Variants in LYPD6B observed in about 807,000 individuals in gnomAD.
LYPD6B encodes LY6/PLAUR domain containing 6B.
Under a neutral mutation model 22.8 loss-of-function variants are expected in LYPD6B, and 17 were observed. That is an observed-to-expected ratio of 0.75 (90% CI 0.51 to 1.12). The LOEUF is 1.12. LYPD6B is among the 50% of genes most tolerant of loss of function. The probability of loss-of-function intolerance (pLI) is 0.00; values close to 1 mark genes in which losing one functional copy is unlikely to be tolerated. For synonymous variants in LYPD6B, 106 were observed against 91.6 expected, an observed-to-expected ratio of 1.16 and a Z score of -0.90; for missense variants, 221 against 258.3, an observed-to-expected ratio of 0.86 and a Z score of 0.99.
chr2:149,056,541 C>T (rs2105305250), intron 1 of LYPD6B, among the ~76,000 whole-genome samples: 1 of 152,102 alleles, frequency 6.6e-6, no homozygotes, highest in South Asian at 2.1e-4. Context: ...TCCAGTAAGT[C>T]CACATTTTCC....
Position 149,083,177 on chromosome 2 carries a change from G to A in LYPD6B, c.-67+44376G>A, listed in dbSNP as rs552163866. Reference sequence around the variant, plus strand: ...AAAGCGCTTCATGCATACCATGGCCGTGTGCTGCAGCAGCATACAGTTAGC... The same window carrying A: ...AAAGCGCTTCATGCATACCATGGCCATGTGCTGCAGCAGCATACAGTTAGC... On this transcript the variant is annotated intron_variant, in intron 1 of 6. Coordinates refer to ENST00000409642, the MANE Select transcript of LYPD6B (RefSeq NM_177964.5). 6.6e-5 allele frequency among the ~76,000 whole-genome samples: 10 copies of A among 152,338 alleles called. No individual in the cohort carries two copies. The South Asian group carries it at 1.9e-3, about 28-fold the overall frequency.
intron 1 of LYPD6B, among the ~76,000 whole-genome samples, chr2:149,040,203 GTC>G (rs34538721): frequency 6.9e-6 from 1 of 143,952 alleles, no homozygotes; most frequent in African/African-American, 2.5e-5. Context: ...GTCTCTCTCT[GTC>G]TCTCTCTCTC....
intron 1 of LYPD6B, among the ~76,000 whole-genome samples, chr2:149,050,078 G>T (rs966437964): frequency 6.6e-6 from 1 of 152,140 alleles, no homozygotes; most frequent in African/African-American, 2.4e-5. Flanking sequence ...AGAGTCTTCA[G>T]GGGCTGTGAC....
chr2:149,177,754 CA>C (rs1691416549), intron 3 of LYPD6B, among the ~76,000 whole-genome samples: 1 of 151,632 alleles, frequency 6.6e-6, no homozygotes, highest in South Asian at 2.1e-4. Flanking sequence ...GATGGTGGTT[CA>C]CGAAATCTGC....
intron 3 of LYPD6B, among the ~76,000 whole-genome samples, chr2:149,168,211 CAAAAAAAAAA>C (rs386391472): frequency 8.2e-5 from 4 of 48,488 alleles, no homozygotes; most frequent in South Asian, 8.2e-4. Context: ...GGCTCTGTCT[CAAAAAAAAAA>C]AAAAAAAAAA....
intron 2 of LYPD6B, among the ~76,000 whole-genome samples, chr2:149,141,283 T>G (rs1327598192): frequency 6.6e-6 from 1 of 152,126 alleles, no homozygotes; most frequent in Middle Eastern, 3.2e-3. Flanking sequence ...GCGTGCAAAG[T>G]CCTGAGGCAG....
intron 1 of LYPD6B, among the ~76,000 whole-genome samples, chr2:149,114,713 G>A (rs558384882): frequency 3.9e-5 from 6 of 152,164 alleles, no homozygotes; most frequent in Non-Finnish European, 8.8e-5. Flanking sequence ...ACGTCAACCA[G>A]TCATTGCCAA....
At chr2:149,105,586 A>C (rs908128039) in intron 1 of LYPD6B, among the ~76,000 whole-genome samples, 1 of 152,088 alleles carries the variant, frequency 6.6e-6, no homozygotes, top group East Asian at 1.9e-4. Flanking sequence ...AATGGCTGAA[A>C]ATTTTTTTAA....
chr2:149,039,034 C>G (rs1023723368), intron 1 of LYPD6B, among the ~76,000 whole-genome samples: 2 of 151,704 alleles, frequency 1.3e-5, no homozygotes, highest in East Asian at 3.9e-4. Flanking sequence ...CTGCCAACAT[C>G]TGGACGGGAC....
intron 1 of LYPD6B, among the ~76,000 whole-genome samples, chr2:149,073,442 A>G (rs1684737393): frequency 6.6e-6 from 1 of 151,978 alleles, no homozygotes; most frequent in African/African-American, 2.4e-5. Context: ...TCCTGCTGTT[A>G]CTGATATGCC....
At chr2:149,159,070 G>A (rs1047371992) in intron 2 of LYPD6B, among the ~76,000 whole-genome samples, 16 of 151,466 alleles carry the variant, frequency 1.1e-4, no homozygotes, top group African/African-American at 3.9e-4. Flanking sequence ...TTTTTTCCTT[G>A]CCAGATCACT....
At chr2:149,041,028 CA>C (rs1683057331) in intron 1 of LYPD6B, among the ~76,000 whole-genome samples, 1 of 145,874 alleles carries the variant, frequency 6.9e-6, no homozygotes, top group South Asian at 2.1e-4. Flanking sequence ...GAAGACTCCC[CA>C]AAGAAACTGT....
chr2:149,062,447 A>G (rs1684133188), intron 1 of LYPD6B, among the ~76,000 whole-genome samples: 1 of 152,220 alleles, frequency 6.6e-6, no homozygotes, highest in African/African-American at 2.4e-5. Flanking sequence ...GATTAAAAGC[A>G]GAGATTACAA....
At chr2:149,209,980 T>C (rs185552207) in intron 5 of LYPD6B, among the ~76,000 whole-genome samples, 1 of 152,364 alleles carries the variant, frequency 6.6e-6, no homozygotes, top group East Asian at 1.9e-4. Flanking sequence ...TCTTTACTAA[T>C]TTATTTCAGA....
At chr2:149,047,802 G>GT (rs970148980) in intron 1 of LYPD6B, among the ~76,000 whole-genome samples, 46 of 152,066 alleles carry the variant, frequency 3.0e-4, no homozygotes, top group African/African-American at 1.0e-3. Flanking sequence ...CACTCCATTC[G>GT]TTTTTTGCTT....
At chr2:149,051,981 C>T (rs1457916625) in intron 1 of LYPD6B, among the ~76,000 whole-genome samples, 1 of 152,036 alleles carries the variant, frequency 6.6e-6, no homozygotes, top group Non-Finnish European at 1.5e-5. Context: ...TGTTGTCCTC[C>T]AGAAAGCATG....
At chr2:149,094,987 A>G (rs12612065) in intron 1 of LYPD6B, among the ~76,000 whole-genome samples, 85,443 of 152,032 alleles carry the variant, frequency 0.56, 24,605 homozygotes, top group Admixed American at 0.64. Context: ...TGGAAACCAT[A>G]GTTAATATAT....
intron 3 of LYPD6B, chr2:149,187,721 T>C (rs972475606): frequency 6.3e-5 from 27 of 429,964 alleles, no homozygotes; most frequent in African/African-American, 5.3e-4. Flanking sequence ...CTAACACTAA[T>C]GATAGCTGAT....
intron 2 of LYPD6B, chr2:149,131,347 C>T (rs966393605): frequency 5.8e-6 from 1 of 171,384 alleles, no homozygotes; most frequent in Non-Finnish European, 1.2e-5. Context: ...TGAAGATAAG[C>T]AGCAATTTTT....
Sources: allele counts gnomAD v4.1 joint callset (sites outside exome capture counted in the v4.1 genomes callset), GRCh38; gene constraint gnomAD v4.1.1; transcripts MANE v1.5; gene names NCBI Gene and HGNC (gene_info 2026-07-23, HGNC 2026-07-21).